The following PACS1 variants were observed in gnomAD, a reference collection of about 807,000 sequenced individuals.
PACS1 encodes the protein PACS-1.
A neutral mutation model predicts 115.0 loss-of-function variants in PACS1; 24 were observed. That is an observed-to-expected ratio of 0.21 (90% CI 0.15 to 0.29). PACS1 has a LOEUF of 0.29. PACS1 is among the 10% of genes least tolerant of loss of function. The pLI, the probability that PACS1 is intolerant of heterozygous loss-of-function variation, is 1.00. For missense variants in PACS1, 838 were observed against 1,251.2 expected, an observed-to-expected ratio of 0.67 and a Z score of 4.98; for synonymous variants, 453 against 504.5, an observed-to-expected ratio of 0.90 and a Z score of 1.37.
chr11:66,166,508 T>C (rs1859607867), intron 1 of PACS1, among the ~76,000 whole-genome samples: 1 of 150,760 alleles, frequency 6.6e-6, no homozygotes, highest in Non-Finnish European at 1.5e-5. Context: ...CCTTGTTTCC[T>C]TCAAATATCC....
chr11:66,215,991 G>A (rs184117734), intron 4 of PACS1, 128 bp from the exon 5 acceptor site: 12 of 644,538 alleles, frequency 1.9e-5, no homozygotes, highest in Non-Finnish European at 3.2e-5. Context: ...AGTAGGCATG[G>A]ATTTGAAAGT....
At chr11:66,197,010 T>C (rs992458554) in intron 2 of PACS1, among the ~76,000 whole-genome samples, 1 of 152,244 alleles carries the variant, frequency 6.6e-6, no homozygotes, top group Non-Finnish European at 1.5e-5. Flanking sequence ...AGAAGTGATA[T>C]TAAACATTTT....
intron 1 of PACS1, among the ~76,000 whole-genome samples, chr11:66,137,912 A>C (rs1198722947): frequency 6.6e-6 from 1 of 152,060 alleles, no homozygotes; most frequent in Non-Finnish European, 1.5e-5. Context: ...TTTTATTTTT[A>C]GTAGAGACGG....
chr11:66,110,494 A>G (rs1161794656), intron 1 of PACS1, among the ~76,000 whole-genome samples: 1 of 152,054 alleles, frequency 6.6e-6, no homozygotes, highest in Non-Finnish European at 1.5e-5. Flanking sequence ...TTTTAATGGC[A>G]TGTCTTGTCT....
At chr11:66,220,915 C>G (rs1372450379) in intron 9 of PACS1, 124 bp downstream of exon 9, 5 of 1,154,508 alleles carry the variant, frequency 4.3e-6, no homozygotes, top group Non-Finnish European at 3.7e-6. Context: ...TTCTGAACCT[C>G]TGGCTGTCTT....
At chr11:66,126,057 AAT>A (rs887735469) in intron 1 of PACS1, among the ~76,000 whole-genome samples, 1 of 146,778 alleles carries the variant, frequency 6.8e-6, no homozygotes, top group African/African-American at 2.6e-5. Flanking sequence ...AAAAAAAAAA[AAT>A]GTGGGCAACT....
intron 1 of PACS1, among the ~76,000 whole-genome samples, chr11:66,159,104 A>AAATTT (rs1859428704): frequency 6.6e-6 from 1 of 152,230 alleles, no homozygotes; most frequent in South Asian, 2.1e-4. Context: ...TTCTACACCT[A>AAATTT]GTCAAACTGT....
At chr11:66,231,299 C>T (rs995978413) in intron 13 of PACS1, among the ~76,000 whole-genome samples, 5 of 152,254 alleles carry the variant, frequency 3.3e-5, no homozygotes, top group African/African-American at 1.2e-4. Context: ...GGACAGCAGC[C>T]TCTGGATCTC....
intron 1 of PACS1, among the ~76,000 whole-genome samples, chr11:66,188,112 C>T (rs1854427423): frequency 7.8e-6 from 1 of 128,684 alleles, no homozygotes; most frequent in African/African-American, 2.9e-5. Flanking sequence ...TGTATGTTTT[C>T]TTTTGAGAAA....
At chr11:66,098,319 GT>G (rs1404211803) in intron 1 of PACS1, among the ~76,000 whole-genome samples, 1 of 152,148 alleles carries the variant, frequency 6.6e-6, no homozygotes, top group Non-Finnish European at 1.5e-5. Flanking sequence ...TGTGTTGTAT[GT>G]TTGTGTGTGT....
chr11:66,138,673 C>G (rs1319294329), intron 1 of PACS1, among the ~76,000 whole-genome samples: 2 of 149,612 alleles, frequency 1.3e-5, no homozygotes, highest in Non-Finnish European at 3.0e-5. Context: ...GAGGTGAGCT[C>G]TTGCTGTCTG....
At chr11:66,112,364 T>A (rs519911) in intron 1 of PACS1, among the ~76,000 whole-genome samples, 1 of 152,168 alleles carries the variant, frequency 6.6e-6, no homozygotes, top group African/African-American at 2.4e-5. Context: ...AGGGCCTTTG[T>A]GCTTGCAGTT....
chr11:66,151,307 G>A (rs950822890), intron 1 of PACS1, among the ~76,000 whole-genome samples: 2 of 151,856 alleles, frequency 1.3e-5, no homozygotes, highest in Non-Finnish European at 2.9e-5. Context: ...TGTGAGCAGC[G>A]AAGCAGTGGA....
rs1263222645 is a variant in PACS1, at chr11:66,216,691, T to G, written c.898-4T>G. 6.2e-7 allele frequency: 1 copy of G among 1,613,552 alleles called. No homozygotes were observed. Among genetic ancestry groups the G allele is most frequent in the Non-Finnish European group, 8.5e-7 (1 of 1,179,676 alleles). On this transcript the variant is annotated splice_polypyrimidine_tract_variant and splice_region_variant and intron_variant, in intron 6 of 23. Transcript: ENST00000320580. ...ACCCTCATTCTGTCCCTGTACCCAC[T>G]TAGGACTTGTTCTACGAAGACGAAG...
In PACS1 at chr11:66,200,043, C is replaced by CAA. The variant is rs1198972210; in HGVS notation, c.444+6473_444+6474dup. 4.5e-4 allele frequency among the ~76,000 whole-genome samples: 50 copies of CAA among 110,754 alleles called. No individual in the cohort carries two copies. In the East Asian group the frequency reaches 8.5e-3, roughly 19 times the overall value. The allele number at this position is 110,754 out of a possible 152,430, so 72.7% of individuals were successfully genotyped here. ...CAAAAAAACAAAAACAAAAACAAAACAAAACAAAAAAAAAAACAAGACCCA... is the reference window on the plus strand; with the variant it reads ...CAAAAAAACAAAAACAAAAACAAAACAAAAAACAAAAAAAAAAACAAGACCCA... On this transcript the variant is annotated intron_variant, in intron 2 of 23. Transcript: ENST00000320580.
At chr11:66,219,398 G>A (rs1034958115) in intron 7 of PACS1, 12 of 406,378 alleles carry the variant, frequency 3.0e-5, no homozygotes, top group South Asian at 4.0e-5. Context: ...TGAGGTGCCC[G>A]CGCTGTGCAT....
chr11:66,125,827 G>A (rs184098639), intron 1 of PACS1, among the ~76,000 whole-genome samples: 5 of 152,058 alleles, frequency 3.3e-5, no homozygotes, highest in Non-Finnish European at 7.4e-5. Context: ...ATTACTTGAG[G>A]TCGGGAGTTC....
chr11:66,137,901 T>C (rs911588385), intron 1 of PACS1, among the ~76,000 whole-genome samples: 2 of 152,170 alleles, frequency 1.3e-5, no homozygotes, highest in African/African-American at 4.8e-5. Context: ...GCAAATTCTT[T>C]TTTTATTTTT....
chr11:66,117,865 A>T (rs564944892), intron 1 of PACS1, among the ~76,000 whole-genome samples: 19 of 152,268 alleles, frequency 1.2e-4, no homozygotes, highest in Non-Finnish European at 2.1e-4. Flanking sequence ...GAAAAAAAAA[A>T]GATGTTTGTT....
Sources: gnomAD v4.1 joint callset for allele counts (sites outside exome capture counted in the v4.1 genomes callset) on GRCh38, gnomAD v4.1.1 for gene constraint, MANE v1.5 for transcripts, NCBI Gene and HGNC (gene_info 2026-07-23, HGNC 2026-07-21) for gene names.